The following PTPN3 variants were observed in gnomAD, a reference collection of about 807,000 sequenced individuals.
The protein encoded by PTPN3 is protein tyrosine phosphatase non-receptor type 3, also known as tyrosine-protein phosphatase non-receptor type 3.
PTPN3 carries 96 observed loss-of-function variants against 132.7 expected under a neutral mutation model. The ratio of observed to expected loss-of-function variants is 0.72; its 90% confidence interval spans 0.61 to 0.86. The LOEUF (loss-of-function observed/expected upper bound fraction) is 0.86. Among genes scored for constraint, PTPN3 ranks in the 40% least tolerant of loss-of-function variants. PTPN3 has a pLI of 0.00. For synonymous variants in PTPN3, 398 were observed against 429.0 expected, an observed-to-expected ratio of 0.93 and a Z score of 0.89; for missense variants, 1,125 against 1,159.6, an observed-to-expected ratio of 0.97 and a Z score of 0.43.
At chr9:109,388,478 A>T (rs187221330) in intron 22 of PTPN3, among the ~76,000 whole-genome samples, 2 of 152,352 alleles carry the variant, frequency 1.3e-5, no homozygotes, top group Admixed American at 1.3e-4. Flanking sequence ...CAAACCCTCC[A>T]GGTCACAATG....
chr9:109,416,320 T>C (rs1338145502), intron 14 of PTPN3, among the ~76,000 whole-genome samples: 1 of 152,104 alleles, frequency 6.6e-6, no homozygotes, highest in Non-Finnish European at 1.5e-5. Context: ...AGCTGCACTG[T>C]AGGGGACTCT....
intron 14 of PTPN3, among the ~76,000 whole-genome samples, chr9:109,414,443 A>C (rs1386360275): frequency 6.6e-6 from 1 of 152,244 alleles, no homozygotes; most frequent in Non-Finnish European, 1.5e-5. Flanking sequence ...CCCAGAGGGC[A>C]CAGTTTCTTC....
chr9:109,430,086 A>C (rs1843551195), intron 10 of PTPN3, among the ~76,000 whole-genome samples: 1 of 152,172 alleles, frequency 6.6e-6, no homozygotes, highest in Admixed American at 6.5e-5. Flanking sequence ...ACTACAGGTT[A>C]ATAGTCTAAG....
chr9:109,513,146 C>G, the PTPN3 span, among the ~76,000 whole-genome samples: 18 of 152,280 alleles, frequency 1.2e-4, no homozygotes, highest in African/African-American at 3.1e-4. Flanking sequence ...GTAGCTGGGA[C>G]TACAGGTATG....
the PTPN3 span, among the ~76,000 whole-genome samples, chr9:109,525,639 A>G: frequency 6.6e-6 from 1 of 152,230 alleles, no homozygotes; most frequent in Admixed American, 6.5e-5. Context: ...CTCCCTCTTC[A>G]GGAGAACCTA....
At chr9:109,476,469 TG>T (rs1174603345) in intron 1 of PTPN3, among the ~76,000 whole-genome samples, 1 of 152,210 alleles carries the variant, frequency 6.6e-6, no homozygotes, top group African/African-American at 2.4e-5. Flanking sequence ...TCATTGCTGC[TG>T]TTGATGCATT....
At chr9:109,404,632 C>T (rs1841410863) in intron 18 of PTPN3, 24 bp from the exon 19 acceptor site, 1 of 1,434,146 alleles carries the variant, frequency 7.0e-7, no homozygotes, top group Non-Finnish European at 9.3e-7. Flanking sequence ...GACAGTGCAT[C>T]TGACTTGTGT....
intron 6 of PTPN3, among the ~76,000 whole-genome samples, chr9:109,445,601 G>A (rs1844799824): frequency 6.6e-6 from 1 of 151,922 alleles, no homozygotes; most frequent in Non-Finnish European, 1.5e-5. Context: ...TCTCTAAGAG[G>A]GGAAAAAAAA....
intron 7 of PTPN3, among the ~76,000 whole-genome samples, chr9:109,440,932 A>G (rs899847659): frequency 1.1e-4 from 17 of 152,312 alleles, no homozygotes; most frequent in African/African-American, 3.8e-4. Context: ...AGTGATAAAC[A>G]TTTGCAAAAC....
chr9:109,534,408 G>A, the PTPN3 span: 1 of 1,431,798 alleles, frequency 7.0e-7, no homozygotes, highest in Non-Finnish European at 9.1e-7. Flanking sequence ...CTAGGCCAGC[G>A]GTGGTGGTGG....
Position 109,430,206 on chromosome 9 carries a change from C to T in PTPN3, c.765-1522G>A, listed in dbSNP as rs372038880. On this transcript the variant is annotated intron_variant, in intron 10 of 25. Coordinates refer to ENST00000374541, the MANE Select transcript of PTPN3 (RefSeq NM_002829.4). The stretch of plus-strand genomic sequence containing the variant: ...GGAGTCTCCTCACGATTCTCCTGTG[C>T]CAACTGGCAGATGCAAAAATTCCTG... Among the ~76,000 whole-genome samples, 7 of 152,292 alleles carry T rather than the reference C, an allele frequency of 4.6e-5. No homozygotes were observed. In the South Asian group the frequency reaches 6.2e-4, roughly 14 times the overall value.
At chr9:109,431,269 C>T (rs1368497900) in intron 10 of PTPN3, among the ~76,000 whole-genome samples, 2 of 152,254 alleles carry the variant, frequency 1.3e-5, no homozygotes, top group South Asian at 2.1e-4. Context: ...CTCTCTCCTG[C>T]AGTGACCTTG....
In PTPN3 at chr9:109,420,292, G is replaced by C. The variant is rs1588388224; in HGVS notation, c.1313+132C>G. 5.5e-6 allele frequency: 5 copies of C among 904,446 alleles called. No homozygotes were observed. The East Asian group carries it at 1.3e-4, about 24-fold the overall frequency. The allele number at this position is 904,446 out of a possible 1,614,324, so 56.0% of individuals were successfully genotyped here. A position where few individuals can be genotyped will look rare whatever the true frequency, so the allele number is the denominator to read the frequency against. ...GAGTCTGATTTATGTTCTTATCCTGGCAGAAGGCACCTGTGGGAGCTGGCT... is the reference window on the plus strand; with the variant it reads ...GAGTCTGATTTATGTTCTTATCCTGCCAGAAGGCACCTGTGGGAGCTGGCT... On this transcript the variant is annotated intron_variant, in intron 14 of 25. Transcript: ENST00000374541.
At chr9:109,466,548 C>T (rs942204787) in intron 1 of PTPN3, among the ~76,000 whole-genome samples, 13 of 152,202 alleles carry the variant, frequency 8.5e-5, no homozygotes, top group African/African-American at 2.7e-4. Context: ...TAGACCAGTG[C>T]TTCTCACACT....
At position 109,430,239 on chromosome 9, in the gene PTPN3, GAAC is replaced by G. The variant is rs199778959; in HGVS notation, c.765-1558_765-1556del. Among the ~76,000 whole-genome samples the G allele has an allele frequency of 9.5e-4, 144 of 152,316 alleles. 5 individuals are homozygous for G. The East Asian group carries it at 0.026, about 28-fold the overall frequency. On this transcript the variant is annotated intron_variant, in intron 10 of 25. Transcript: ENST00000374541. ...CAGATGCAAAAATTCCTGTTCTGCAGAACGAGTCAGGAGAATCAACTCCCCTTT... is the reference window on the plus strand; with the variant it reads ...CAGATGCAAAAATTCCTGTTCTGCAGGAGTCAGGAGAATCAACTCCCCTTT...
At chr9:109,490,855 G>GTTTT (rs59097484) in intron 1 of PTPN3, among the ~76,000 whole-genome samples, 6 of 147,124 alleles carry the variant, frequency 4.1e-5, no homozygotes, top group Admixed American at 6.7e-5. Flanking sequence ...ATTTATAAGA[G>GTTTT]TTTTTTTTTT....
chr9:109,409,825 A>AC (rs1281378546), intron 16 of PTPN3, among the ~76,000 whole-genome samples, 174 bp downstream of exon 16: 1 of 151,906 alleles, frequency 6.6e-6, no homozygotes, highest in South Asian at 2.1e-4. Flanking sequence ...AACAAAAAAA[A>AC]CCCCAAATAT....
chr9:109,485,145 C>A (rs1033549390), intron 1 of PTPN3, among the ~76,000 whole-genome samples: 1 of 152,068 alleles, frequency 6.6e-6, no homozygotes, highest in Admixed American at 6.5e-5. Context: ...GGGCAGATCG[C>A]TTGAACCTGG....
intron 17 of PTPN3, among the ~76,000 whole-genome samples, chr9:109,406,883 C>A (rs1253684886): frequency 6.6e-6 from 1 of 152,150 alleles, no homozygotes; most frequent in Non-Finnish European, 1.5e-5. Flanking sequence ...GCCATTTCTC[C>A]GTGGTAGTCA....
Sources: allele counts gnomAD v4.1 joint callset (sites outside exome capture counted in the v4.1 genomes callset), GRCh38; gene constraint gnomAD v4.1.1; transcripts MANE v1.5; gene names NCBI Gene and HGNC (gene_info 2026-07-23, HGNC 2026-07-21).